ADARB2: variants seen among roughly 807,000 people sequenced by gnomAD.
The protein encoded by ADARB2 is inactive double-stranded RNA-specific editase B2.
ADARB2 carries 25 observed loss-of-function variants against 62.2 expected under a neutral mutation model. The observed-to-expected ratio is 0.40, with a 90% CI of 0.29 to 0.56. The LOEUF (loss-of-function observed/expected upper bound fraction) is 0.56. ADARB2 is among the 20% of genes least tolerant of loss of function. The probability of loss-of-function intolerance (pLI) is 0.43; values close to 1 mark genes in which losing one functional copy is unlikely to be tolerated. For missense variants in ADARB2, 1,071 were observed against 1,077.4 expected (o/e 0.99, Z 0.08); for synonymous variants, 572 against 500.8 (o/e 1.14, Z -1.90).
intron 1 of ADARB2, chr10:1,675,983 G>A (rs1317989315): frequency 1.6e-5 from 16 of 983,606 alleles, no homozygotes; most frequent in African/African-American, 1.7e-5. Context: ...AGTAAGGGCT[G>A]CATCCCACCC....
intron 1 of ADARB2, among the ~76,000 whole-genome samples, chr10:1,443,037 C>T (rs1261674755): frequency 6.6e-6 from 1 of 152,124 alleles, no homozygotes; most frequent in African/African-American, 2.4e-5. Context: ...TGAAATAACA[C>T]CTACAATGGG....
intron 1 of ADARB2, among the ~76,000 whole-genome samples, chr10:1,729,737 C>T (rs1322453569): frequency 6.6e-6 from 1 of 152,166 alleles, no homozygotes; most frequent in Non-Finnish European, 1.5e-5. Flanking sequence ...ACCCTCTACT[C>T]GTTTGTTTTT....
At position 1,737,364 on chromosome 10, in the gene ADARB2, G is replaced by A; in HGVS notation, c.-214C>T. 2 of 546,956 alleles carry A rather than the reference G, an allele frequency of 3.7e-6. No homozygotes were observed. The highest frequency in any genetic ancestry group is 3.1e-5 in the East Asian group (1 of 32,366). The allele number at this position is 546,956 out of a possible 1,614,324, so 33.9% of individuals were successfully genotyped here. On this transcript the variant is annotated 5_prime_UTR_variant, in exon 1 of 10. Transcript: ENST00000381312. ...TCCCACTGGGCTGGGGGCCTCGGCT[G>A]GGCGCCTGGAGCGAGCTGCTCCCTG... is the stretch of plus-strand genomic sequence containing the variant.
intron 3 of ADARB2, among the ~76,000 whole-genome samples, chr10:1,345,648 A>G (rs1320893424): frequency 6.6e-6 from 1 of 152,078 alleles, no homozygotes; most frequent in Admixed American, 6.5e-5. Context: ...TCCCCCCGTG[A>G]CTCTGATAGT....
At chr10:1,292,540 CA>C (rs1831476076) in intron 3 of ADARB2, 1 of 152,258 alleles carries the variant, frequency 6.6e-6, no homozygotes, top group South Asian at 2.1e-4. Flanking sequence ...CCTGTTGCAC[CA>C]GGAATCAAAA....
At position 1,214,296 on chromosome 10, in the gene ADARB2, G is replaced by A. The variant is rs544296933; in HGVS notation, c.1682+2655C>T. The stretch of plus-strand genomic sequence containing the variant: ...CTGTGCCTGGACCTTCTGGCGTTGT[G>A]TAGGTTTGCACCTGTACCCAGCGTC... On this transcript the variant is annotated intron_variant, in intron 7 of 9. Coordinates refer to ENST00000381312, the MANE Select transcript of ADARB2 (RefSeq NM_018702.4). Among the ~76,000 whole-genome samples, 5 of 150,102 alleles carry A rather than the reference G, an allele frequency of 3.3e-5. No individual in the cohort carries two copies. In the East Asian group the frequency reaches 8.0e-4, roughly 24 times the overall value.
intron 3 of ADARB2, among the ~76,000 whole-genome samples, chr10:1,283,953 T>A (rs896198044): frequency 5.9e-5 from 9 of 152,204 alleles, no homozygotes; most frequent in Non-Finnish European, 2.9e-5. Context: ...TGGAAACATT[T>A]GTTTTTGGGA....
intron 1 of ADARB2, among the ~76,000 whole-genome samples, chr10:1,392,464 A>T (rs12267189): frequency 0.14 from 20,736 of 152,200 alleles, 2,148 homozygotes; most frequent in East Asian, 0.47. Flanking sequence ...CTTCAAATGG[A>T]TGCACTTCTA....
chr10:1,399,082 A>T (rs1265890518), intron 1 of ADARB2, among the ~76,000 whole-genome samples: 1 of 152,196 alleles, frequency 6.6e-6, no homozygotes, highest in Non-Finnish European at 1.5e-5. Context: ...ACGAAATAAA[A>T]TGAACTGAGA....
intron 2 of ADARB2, among the ~76,000 whole-genome samples, chr10:1,372,032 T>C (rs925194325): frequency 2.0e-5 from 3 of 152,148 alleles, no homozygotes; most frequent in Non-Finnish European, 2.9e-5. Context: ...CTCAGCACTA[T>C]TGACAATAGC....
chr10:1,564,784 C>CTTTTT (rs59446234), intron 1 of ADARB2, among the ~76,000 whole-genome samples: 302 of 147,356 alleles, frequency 2.0e-3, no homozygotes, highest in African/African-American at 3.6e-3. Flanking sequence ...CTTTTATTAC[C>CTTTTT]TTTTTTTTTT....
chr10:1,720,084 A>T (rs548833807), intron 1 of ADARB2, among the ~76,000 whole-genome samples: 1 of 152,252 alleles, frequency 6.6e-6, no homozygotes, highest in Non-Finnish European at 1.5e-5. Flanking sequence ...TTATATGTTC[A>T]TCGCAGCACT....
At chr10:1,417,687 T>G (rs1191174338) in intron 1 of ADARB2, among the ~76,000 whole-genome samples, 1 of 152,162 alleles carries the variant, frequency 6.6e-6, no homozygotes, top group Non-Finnish European at 1.5e-5. Flanking sequence ...CACTCTTCAC[T>G]CCTGTGCTAT....
intron 1 of ADARB2, among the ~76,000 whole-genome samples, chr10:1,450,135 G>A (rs368339009): frequency 6.6e-6 from 1 of 152,122 alleles, no homozygotes; most frequent in African/African-American, 2.4e-5. Flanking sequence ...GGCTCCCGTC[G>A]AGAGGGAGCT....
rs1832430973 is a variant in ADARB2 at position 1,376,545 on chromosome 10, G to T, written c.187+2529C>A. 2.0e-5 allele frequency among the ~76,000 whole-genome samples: 3 copies of T among 152,178 alleles called. No individual in the cohort carries two copies. The South Asian group carries it at 6.2e-4, about 32-fold the overall frequency. ...GGCAGGGGGAAGGAGAAGCTCCTAC[G>T]TGGGGTGGGCACGTCCCTCTCTCAG... On this transcript the variant is annotated intron_variant, in intron 2 of 9. Transcript: ENST00000381312.
intron 1 of ADARB2, among the ~76,000 whole-genome samples, chr10:1,563,070 C>A (rs1832808243): frequency 6.6e-6 from 1 of 152,144 alleles, no homozygotes; most frequent in Non-Finnish European, 1.5e-5. Context: ...CCGCACGTGA[C>A]CTCCTGAACC....
intron 3 of ADARB2, among the ~76,000 whole-genome samples, chr10:1,284,370 C>G (rs567712490): frequency 6.6e-6 from 1 of 152,242 alleles, no homozygotes; most frequent in Admixed American, 6.5e-5. Context: ...TGTTGTTTTG[C>G]TTTGCTTCAA....
chr10:1,452,406 T>C (rs1437196139), intron 1 of ADARB2, among the ~76,000 whole-genome samples: 2 of 152,186 alleles, frequency 1.3e-5, no homozygotes, highest in Admixed American at 6.6e-5. Flanking sequence ...CTAGTTCTTT[T>C]ACTCAGCTCA....
chr10:1,637,588 G>A (rs1396287986), intron 1 of ADARB2, among the ~76,000 whole-genome samples: 3 of 152,144 alleles, frequency 2.0e-5, no homozygotes, highest in Non-Finnish European at 4.4e-5. Flanking sequence ...TACAATCCAT[G>A]GCAACATGTA....
Sources: allele counts gnomAD v4.1 joint callset (sites outside exome capture counted in the v4.1 genomes callset), GRCh38; gene constraint gnomAD v4.1.1; transcripts MANE v1.5; gene names NCBI Gene and HGNC (gene_info 2026-07-23, HGNC 2026-07-21).